Variants in CREBBP observed in about 807,000 individuals in gnomAD.
The protein encoded by CREBBP is CREB-binding protein.
In CREBBP, 19 loss-of-function variants were observed where a neutral mutation model predicts 265.0. That is an observed-to-expected ratio of 0.07 (90% confidence interval 0.05 to 0.11). The LOEUF is 0.11. Among genes scored for constraint, CREBBP ranks in the 10% least tolerant of loss-of-function variants. The probability of loss-of-function intolerance (pLI) is 1.00; values close to 1 mark genes in which losing one functional copy is unlikely to be tolerated. For synonymous variants in CREBBP, 1,457 were observed against 1,223.7 expected (o/e 1.19, Z -3.98); for missense variants, 2,525 against 3,219.0 (o/e 0.78, Z 5.22).
In CREBBP at chr16:3,770,560, A is replaced by G. The variant is rs567683502; in HGVS notation, c.2880+10T>C. ...CTTGGCCCAAAAACAGCAGAGACAG[A>G]GAGGCTTACCGGTGTGCCAGGAGGC... On this transcript the variant is annotated intron_variant, in intron 14 of 30. Coordinates refer to ENST00000262367, the MANE Select transcript of CREBBP (RefSeq NM_004380.3). 6.2e-7 allele frequency: 1 copy of G among 1,612,192 alleles called. No individual in the cohort carries two copies. Among genetic ancestry groups the G allele is most frequent in the African/African-American group, 1.3e-5 (1 of 74,972 alleles).
At chr16:3,811,217 A>C (rs1329773409) in intron 2 of CREBBP, among the ~76,000 whole-genome samples, 2 of 152,216 alleles carry the variant, frequency 1.3e-5, no homozygotes, top group African/African-American at 4.8e-5. Flanking sequence ...CACACAGTGG[A>C]AATATTGCAA....
intron 1 of CREBBP, among the ~76,000 whole-genome samples, chr16:3,862,664 A>T (rs1034028548): frequency 6.6e-6 from 1 of 152,148 alleles, no homozygotes; most frequent in Non-Finnish European, 1.5e-5. Context: ...TTCCTACTGT[A>T]TCAGATCCAC....
At chr16:3,866,118 C>T (rs189504998) in intron 1 of CREBBP, among the ~76,000 whole-genome samples, 5 of 152,078 alleles carry the variant, frequency 3.3e-5, no homozygotes, top group African/African-American at 9.7e-5. Context: ...ATTTAGTGTA[C>T]AAATAAGCTT....
intron 13 of CREBBP, among the ~76,000 whole-genome samples, chr16:3,772,804 T>C (rs965973675): frequency 6.6e-6 from 1 of 151,744 alleles, no homozygotes; most frequent in Non-Finnish European, 1.5e-5. Context: ...GTACGGTAGC[T>C]TACTCCTGTA....
At chr16:3,794,790 A>C (rs1165070338) in intron 3 of CREBBP, among the ~76,000 whole-genome samples, 1 of 152,236 alleles carries the variant, frequency 6.6e-6, no homozygotes, top group African/African-American at 2.4e-5. Context: ...TTACTGAAAA[A>C]GACTTAGGCA....
At chr16:3,815,481 G>A (rs1358943466) in intron 2 of CREBBP, among the ~76,000 whole-genome samples, 2 of 138,828 alleles carry the variant, frequency 1.4e-5, no homozygotes, top group African/African-American at 5.5e-5. Context: ...AGTGAGCTGA[G>A]ATCTTGCCAC....
At chr16:3,740,263 G>A (rs1206097773) in intron 24 of CREBBP, 136 bp downstream of exon 24, 1 of 979,702 alleles carries the variant, frequency 1.0e-6, no homozygotes, top group Non-Finnish European at 1.6e-6. Flanking sequence ...CCGCAGCTGA[G>A]GGGGCTACTG....
At chr16:3,860,447 G>A (rs1432090473) in intron 1 of CREBBP, among the ~76,000 whole-genome samples, 1 of 152,024 alleles carries the variant, frequency 6.6e-6, no homozygotes, top group African/African-American at 2.4e-5. Context: ...TAAACTCCTG[G>A]ACTCAAGCAA....
At chr16:3,827,898 C>G (rs1198047332) in intron 2 of CREBBP, among the ~76,000 whole-genome samples, 2 of 152,038 alleles carry the variant, frequency 1.3e-5, no homozygotes, top group African/African-American at 4.8e-5. Flanking sequence ...CACTGTGTTG[C>G]CCACACTGGT....
At chr16:3,748,514 T>C (rs1293722372) in intron 21 of CREBBP, among the ~76,000 whole-genome samples, 2 of 152,134 alleles carry the variant, frequency 1.3e-5, no homozygotes, top group Admixed American at 1.3e-4. Flanking sequence ...CTGCCAAAAG[T>C]CAAGCTAGGT....
chr16:3,794,554 T>C (rs141341707), intron 3 of CREBBP, among the ~76,000 whole-genome samples: 8 of 152,128 alleles, frequency 5.3e-5, no homozygotes, highest in Non-Finnish European at 8.8e-5. Flanking sequence ...CCCAGTGCAA[T>C]GGGAAATGCA....
At chr16:3,816,246 C>A (rs564073929) in intron 2 of CREBBP, among the ~76,000 whole-genome samples, 1 of 152,154 alleles carries the variant, frequency 6.6e-6, no homozygotes, top group African/African-American at 2.4e-5. Context: ...TGTGACCAAG[C>A]GTATCAATCA....
intron 16 of CREBBP, among the ~76,000 whole-genome samples, chr16:3,759,463 T>C (rs1291741146): frequency 6.6e-6 from 1 of 151,908 alleles, no homozygotes; most frequent in South Asian, 2.1e-4. Flanking sequence ...CGGGGGTTCC[T>C]ATAAGCCCCG....
At position 3,879,234 on chromosome 16, in the gene CREBBP, GCA is replaced by G. The variant is rs77377127; in HGVS notation, c.85+596_85+597del. On this transcript the variant is annotated intron_variant, in intron 1 of 30. Transcript: ENST00000262367. ...TAGTTGACTAAAAACACACACGCGC[GCA>G]CACACACACACACACACACACACAC... Among the ~76,000 whole-genome samples the G allele has an allele frequency of 1.3e-3, 192 of 150,836 alleles. 2 individuals are homozygous for G. The highest frequency in any genetic ancestry group is 4.5e-3 in the African/African-American group (184 of 41,130).
chr16:3,871,060 A>AGAAG (rs200428124), intron 1 of CREBBP, among the ~76,000 whole-genome samples: 2 of 151,764 alleles, frequency 1.3e-5, no homozygotes, highest in Non-Finnish European at 1.5e-5. Flanking sequence ...AGAGAAAAAA[A>AGAAG]GAAGGAAGGA....
chr16:3,837,074 A>C lies in CREBBP; in HGVS notation c.798+13223T>G, dbSNP rs145323052. ...AGTATAATCCTTCTACTTTTTCTTA[A>C]GTTAACTGTAAAACAGCCTCAAGGC... On this transcript the variant is annotated intron_variant, in intron 2 of 30. Coordinates refer to ENST00000262367, the MANE Select transcript of CREBBP (RefSeq NM_004380.3). Among the ~76,000 whole-genome samples the C allele has an allele frequency of 5.4e-3, 817 of 152,216 alleles. 4 individuals are homozygous for C. The highest frequency in any genetic ancestry group is 0.011 in the East Asian group (56 of 5,188).
At chr16:3,825,000 T>C (rs989259785) in intron 2 of CREBBP, among the ~76,000 whole-genome samples, 1 of 152,194 alleles carries the variant, frequency 6.6e-6, no homozygotes, top group African/African-American at 2.4e-5. Context: ...CAAAGCACTG[T>C]GCAATCTTGA....
Position 3,740,306 on chromosome 16 carries a change from T to C in CREBBP, c.4133+93A>G, listed in dbSNP as rs130016. 28,669 of 1,496,180 alleles carry C rather than the reference T, an allele frequency of 0.019. 1,715 individuals carry two copies. Among genetic ancestry groups the C allele is most frequent in the East Asian group, 0.18 (7,900 of 44,116 alleles). 92.7% of individuals were successfully genotyped at this position (1,496,180 alleles called of 1,614,324 possible). A position where few individuals can be genotyped will look rare whatever the true frequency, so the allele number is the denominator to read the frequency against. The stretch of plus-strand genomic sequence containing the variant: ...TCGCTGCTGCAAAGTCTTGGAAGGA[T>C]GACCTCAAACTCAAGAGCTTTGCAG... On this transcript the variant is annotated intron_variant, in intron 24 of 30. Coordinates refer to ENST00000262367, the MANE Select transcript of CREBBP (RefSeq NM_004380.3).
At chr16:3,865,346 G>A (rs2055156273) in intron 1 of CREBBP, among the ~76,000 whole-genome samples, 1 of 152,206 alleles carries the variant, frequency 6.6e-6, no homozygotes, top group Non-Finnish European at 1.5e-5. Flanking sequence ...GAGGATTAAA[G>A]CAATTATGGC....
Sources: gnomAD v4.1 joint callset for allele counts (sites outside exome capture counted in the v4.1 genomes callset) on GRCh38, gnomAD v4.1.1 for gene constraint, MANE v1.5 for transcripts, NCBI Gene and HGNC (gene_info 2026-07-23, HGNC 2026-07-21) for gene names.